Variants in ACER3 observed in about 807,000 individuals in gnomAD.
The protein encoded by ACER3 is alkaline ceramidase 3.
Under a neutral mutation model 48.9 loss-of-function variants are expected in ACER3, and 16 were observed. The ratio of observed to expected loss-of-function variants is 0.33; its 90% CI spans 0.22 to 0.50. The LOEUF (loss-of-function observed/expected upper bound fraction) is 0.50, where lower values mean the gene tolerates loss of function less well. ACER3 is among the 20% of genes least tolerant of loss of function. The probability of loss-of-function intolerance (pLI) is 0.98; values close to 1 mark genes in which losing one functional copy is unlikely to be tolerated. For synonymous variants in ACER3, 109 were observed against 107.8 expected, an observed-to-expected ratio of 1.01 and a Z score of -0.07; for missense variants, 227 against 326.0, an observed-to-expected ratio of 0.70 and a Z score of 2.34.
At chr11:76,920,452 G>A (rs1295465877) in intron 1 of ACER3, among the ~76,000 whole-genome samples, 3 of 152,026 alleles carry the variant, frequency 2.0e-5, no homozygotes, top group South Asian at 4.1e-4. Context: ...CTCAGCCTTG[G>A]GGAAACCTCT....
chr11:76,871,088 C>T (rs991616013), intron 1 of ACER3, among the ~76,000 whole-genome samples: 1 of 152,130 alleles, frequency 6.6e-6, no homozygotes, highest in African/African-American at 2.4e-5. Context: ...TAAAGTTTTC[C>T]ACTTTGCAAG....
chr11:76,978,551 C>T (rs1263479206), intron 4 of ACER3: 4 of 152,308 alleles, frequency 2.6e-5, no homozygotes, highest in Non-Finnish European at 5.9e-5. Context: ...CTTGTTCACC[C>T]TCCAGTTGTC....
intron 1 of ACER3, among the ~76,000 whole-genome samples, chr11:76,878,814 C>T (rs1467263085): frequency 6.6e-6 from 1 of 152,000 alleles, no homozygotes; most frequent in Non-Finnish European, 1.5e-5. Flanking sequence ...GCTCCACATC[C>T]CCAACAATGT....
chr11:76,861,136 C>A, intron 1 of ACER3, 57 bp downstream of exon 1: 1 of 1,480,668 alleles, frequency 6.8e-7, no homozygotes, highest in Non-Finnish European at 9.1e-7. Flanking sequence ...TGAGGAGACG[C>A]CGTGTGAGGA....
intron 3 of ACER3, among the ~76,000 whole-genome samples, chr11:76,963,036 G>T (rs1311967119): frequency 6.6e-6 from 1 of 151,424 alleles, no homozygotes; most frequent in South Asian, 2.1e-4. Context: ...GAAGCTGCCT[G>T]CCTGAAAAAT....
At chr11:76,953,562 C>A (rs1203517236) in intron 2 of ACER3, among the ~76,000 whole-genome samples, 3 of 152,090 alleles carry the variant, frequency 2.0e-5, no homozygotes, top group African/African-American at 7.2e-5. Flanking sequence ...TGCGCCATTG[C>A]ACTCCAGCCT....
chr11:76,975,768 T>G (rs1208199066), intron 3 of ACER3, among the ~76,000 whole-genome samples: 1 of 152,162 alleles, frequency 6.6e-6, no homozygotes, highest in East Asian at 1.9e-4. Flanking sequence ...ATAACCTTGT[T>G]TGTTCAAAAA....
chr11:76,930,102 AC>A (rs1359581693), intron 2 of ACER3, among the ~76,000 whole-genome samples: 6 of 151,852 alleles, frequency 4.0e-5, no homozygotes, highest in Admixed American at 1.3e-4. Flanking sequence ...CTGGTCCTGG[AC>A]TTTTTTTGGT....
At chr11:76,972,454 T>C (rs1240770987) in intron 3 of ACER3, among the ~76,000 whole-genome samples, 1 of 152,258 alleles carries the variant, frequency 6.6e-6, no homozygotes, top group Non-Finnish European at 1.5e-5. Flanking sequence ...ATTTTTCTTA[T>C]TGAGTTGTAA....
chr11:76,871,658 A>G (rs1945243545), intron 1 of ACER3, among the ~76,000 whole-genome samples: 1 of 152,222 alleles, frequency 6.6e-6, no homozygotes, highest in Non-Finnish European at 1.5e-5. Flanking sequence ...CTTAGAGGCA[A>G]TAGATGGCAA....
At chr11:77,001,702 C>CT (rs1173998819) in intron 7 of ACER3, among the ~76,000 whole-genome samples, 1 of 152,182 alleles carries the variant, frequency 6.6e-6, no homozygotes, top group Non-Finnish European at 1.5e-5. Flanking sequence ...CAGCAGATCT[C>CT]CTTGCCTTGT....
chr11:76,998,081 CT>C (rs1261818263), intron 6 of ACER3, among the ~76,000 whole-genome samples: 2 of 152,164 alleles, frequency 1.3e-5, no homozygotes, highest in Middle Eastern at 3.2e-3. Flanking sequence ...GGATTTACTT[CT>C]TGACCTGGGT....
intron 2 of ACER3, among the ~76,000 whole-genome samples, chr11:76,947,079 T>C (rs753929375): frequency 6.6e-6 from 1 of 152,228 alleles, no homozygotes; most frequent in African/African-American, 2.4e-5. Context: ...TGGCGAATCC[T>C]AGTGTTCTCT....
chr11:76,961,576 C>A (rs924653729), intron 3 of ACER3, among the ~76,000 whole-genome samples: 1 of 150,220 alleles, frequency 6.7e-6, no homozygotes, highest in African/African-American at 2.5e-5. Context: ...ACAATATCAG[C>A]CTAGATCATC....
At chr11:76,861,127 G>T in intron 1 of ACER3, 48 bp downstream of exon 1, 1 of 1,499,996 alleles carries the variant, frequency 6.7e-7, no homozygotes. Context: ...GCACCGGGCT[G>T]AGGAGACGCC....
intron 4 of ACER3, among the ~76,000 whole-genome samples, chr11:76,983,718 A>T (rs1948633255): frequency 1.3e-5 from 2 of 152,104 alleles, no homozygotes; most frequent in Non-Finnish European, 2.9e-5. Context: ...CACTTTGATA[A>T]CTTATTCATT....
chr11:77,021,260 T>C lies in ACER3; in HGVS notation c.*933T>C, dbSNP rs1421844111. On this transcript the variant is annotated 3_prime_UTR_variant, in exon 11 of 11. Coordinates refer to ENST00000532485, the MANE Select transcript of ACER3 (RefSeq NM_018367.7). ...TTTCCAGTTCTCAGAGAGGTCATGGTTGTGCCCAGGGAAGTGTGTTGCATT... is the reference window on the plus strand; with the variant it reads ...TTTCCAGTTCTCAGAGAGGTCATGGCTGTGCCCAGGGAAGTGTGTTGCATT... 1 of 152,216 alleles carries C rather than the reference T, an allele frequency of 6.6e-6. No homozygotes were observed. The highest frequency in any genetic ancestry group is 2.4e-5 in the African/African-American group (1 of 41,456). 9.4% of individuals were successfully genotyped at this position (152,216 alleles called of 1,614,324 possible). A position where few individuals can be genotyped will look rare whatever the true frequency, so the allele number is the denominator to read the frequency against.
chr11:76,985,913 A>G (rs138552031), intron 5 of ACER3, among the ~76,000 whole-genome samples, 189 bp downstream of exon 5: 1 of 152,376 alleles, frequency 6.6e-6, no homozygotes, highest in African/African-American at 2.4e-5. Context: ...TGTAATTGAA[A>G]TACTTTTAAA....
intron 7 of ACER3, among the ~76,000 whole-genome samples, chr11:76,999,133 T>TA (rs1304103263): frequency 2.1e-4 from 32 of 151,364 alleles, no homozygotes; most frequent in Middle Eastern, 3.4e-3. Flanking sequence ...ATCCTATAGT[T>TA]AAAAAAAAAT....
Sources: gnomAD v4.1 joint callset for allele counts (sites outside exome capture counted in the v4.1 genomes callset) on GRCh38, gnomAD v4.1.1 for gene constraint, MANE v1.5 for transcripts, NCBI Gene and HGNC (gene_info 2026-07-23, HGNC 2026-07-21) for gene names.